SMIM14: variants seen among roughly 807,000 people sequenced by gnomAD.
The protein encoded by SMIM14 is chromosome 4 open reading frame 34.
SMIM14 carries 5 observed loss-of-function variants against 12.6 expected under a neutral mutation model. The ratio of observed to expected loss-of-function variants is 0.40; its 90% CI spans 0.21 to 0.83. The LOEUF (loss-of-function observed/expected upper bound fraction) is 0.83. SMIM14 is among the 40% of genes least tolerant of loss of function. SMIM14 has a pLI of 0.37. For missense variants in SMIM14, 86 were observed against 119.1 expected, an observed-to-expected ratio of 0.72 and a Z score of 1.29; for synonymous variants, 30 against 40.1, an observed-to-expected ratio of 0.75 and a Z score of 0.95.
chr4:39,604,965 T>C (rs971794494), intron 2 of SMIM14, 106 bp downstream of exon 2: 2 of 729,974 alleles, frequency 2.7e-6, no homozygotes, highest in African/African-American at 3.6e-5. Context: ...TGAAATACTC[T>C]TTAGTGACCA....
At chr4:39,583,372 A>G in intron 2 of SMIM14, among the ~76,000 whole-genome samples, 1 of 152,098 alleles carries the variant, frequency 6.6e-6, no homozygotes, top group East Asian at 1.9e-4. Context: ...TGTTAAGATT[A>G]CAGGTGTGAG....
chr4:39,582,916 C>T (rs972775830), intron 2 of SMIM14, among the ~76,000 whole-genome samples: 1 of 151,910 alleles, frequency 6.6e-6, no homozygotes, highest in African/African-American at 2.4e-5. Flanking sequence ...CCTCAGCCTC[C>T]CAAGTAGCTG....
At chr4:39,579,825 C>T (rs1014090637) in intron 2 of SMIM14, among the ~76,000 whole-genome samples, 3 of 122,520 alleles carry the variant, frequency 2.4e-5, no homozygotes, top group Non-Finnish European at 4.9e-5. Flanking sequence ...GCCTGGGTGA[C>T]AGAGTGAGAC....
intron 1 of SMIM14, among the ~76,000 whole-genome samples, chr4:39,615,105 T>A (rs1006449060): frequency 2.0e-5 from 3 of 152,202 alleles, no homozygotes; most frequent in African/African-American, 7.2e-5. Context: ...TGTTTTTTTT[T>A]TAATTTATTT....
intron 1 of SMIM14, among the ~76,000 whole-genome samples, chr4:39,611,694 T>G (rs1715041137): frequency 1.3e-5 from 2 of 152,086 alleles, no homozygotes; most frequent in Non-Finnish European, 2.9e-5. Flanking sequence ...CCTGGTTAAT[T>G]TGAATATTCA....
chr4:39,566,540 AGCCGCAATGCAGCCAG>A (rs1164010327), intron 3 of SMIM14, among the ~76,000 whole-genome samples: 1 of 152,142 alleles, frequency 6.6e-6, no homozygotes, highest in Non-Finnish European at 1.5e-5. Flanking sequence ...GACAGCAGAT[AGCCGCAATGCAGCCAG>A]GCACAATGGC....
intron 2 of SMIM14, among the ~76,000 whole-genome samples, chr4:39,583,583 C>G (rs932546912): frequency 2.0e-5 from 3 of 152,082 alleles, no homozygotes; most frequent in African/African-American, 7.3e-5. Flanking sequence ...GACCTTCTTT[C>G]TAATGTGGCT....
chr4:39,562,130 CT>C (rs1345352575), intron 3 of SMIM14, among the ~76,000 whole-genome samples: 3 of 151,614 alleles, frequency 2.0e-5, no homozygotes, highest in Admixed American at 6.6e-5. Flanking sequence ...TCTCAGCACT[CT>C]AGGAGGCCGA....
chr4:39,549,330 G>A lies in SMIM14; in HGVS notation c.*2796C>T, dbSNP rs1374722218. 1 of 151,840 alleles carries A rather than the reference G, an allele frequency of 6.6e-6. No individual in the cohort carries two copies. Among genetic ancestry groups the A allele is most frequent in the Admixed American group, 6.6e-5 (1 of 15,220 alleles). 9.4% of individuals were successfully genotyped at this position (151,840 alleles called of 1,614,324 possible). A position where few individuals can be genotyped will look rare whatever the true frequency, so the allele number is the denominator to read the frequency against. On this transcript the variant is annotated 3_prime_UTR_variant, in exon 5 of 5. Transcript: ENST00000295958. ...GACAGGGTCTCACTCTGTCACTCAAGCTGGAGTGCAGTGGCGTGATCTTGG... is the reference window on the plus strand; with the variant it reads ...GACAGGGTCTCACTCTGTCACTCAAACTGGAGTGCAGTGGCGTGATCTTGG...
intron 1 of SMIM14, among the ~76,000 whole-genome samples, chr4:39,612,876 T>C (rs1314689511): frequency 6.6e-6 from 1 of 152,210 alleles, no homozygotes; most frequent in Non-Finnish European, 1.5e-5. Context: ...CTGGGATTAT[T>C]GGCATGAACC....
chr4:39,574,237 CT>C (rs11338888), intron 2 of SMIM14, among the ~76,000 whole-genome samples: 24,192 of 127,012 alleles, frequency 0.19, 1,498 homozygotes, highest in African/African-American at 0.29. Flanking sequence ...CTGCAACTTT[CT>C]TTTTTTTTTT....
chr4:39,552,914 G>A (rs1711795889), intron 4 of SMIM14, among the ~76,000 whole-genome samples: 1 of 151,984 alleles, frequency 6.6e-6, no homozygotes, highest in Admixed American at 6.6e-5. Context: ...CCGAGTTGGG[G>A]GTGATCAATA....
At position 39,548,116 on chromosome 4, in the gene SMIM14, G is replaced by T. The variant is rs1191187432; in HGVS notation, c.*4010C>A. 2.0e-5 allele frequency: 3 copies of T among 152,052 alleles called. No individual in the cohort carries two copies. The highest frequency in any genetic ancestry group is 4.4e-5 in the Non-Finnish European group (3 of 68,056). 9.4% of individuals were successfully genotyped at this position (152,052 alleles called of 1,614,324 possible). ...GATGGAGTTTTTCCATGTTGGCCAGGCTGGTCTCGAACTCCTGACCTCAGG... is the reference window on the plus strand; with the variant it reads ...GATGGAGTTTTTCCATGTTGGCCAGTCTGGTCTCGAACTCCTGACCTCAGG... On this transcript the variant is annotated 3_prime_UTR_variant, in exon 5 of 5. Transcript: ENST00000295958.
rs142518160 is a variant in SMIM14 at position 39,615,851 on chromosome 4, A to G, written c.-35-10671T>C. 3.1e-3 allele frequency among the ~76,000 whole-genome samples: 467 copies of G among 152,310 alleles called. 2 individuals carry two copies. The highest frequency in any genetic ancestry group is 5.6e-3 in the Non-Finnish European group (380 of 68,020). Reference sequence around the variant, plus strand: ...CCTATAATAAAAAGTGTTTTTACAAAGCTTGTATCCTTAAGAATTATATTT... The same window carrying G: ...CCTATAATAAAAAGTGTTTTTACAAGGCTTGTATCCTTAAGAATTATATTT... On this transcript the variant is annotated intron_variant, in intron 1 of 4. Coordinates refer to ENST00000295958, the MANE Select transcript of SMIM14 (RefSeq NM_174921.3).
chr4:39,627,364 G>A (rs1715740799), intron 1 of SMIM14, among the ~76,000 whole-genome samples: 1 of 152,018 alleles, frequency 6.6e-6, no homozygotes, highest in Non-Finnish European at 1.5e-5. Flanking sequence ...CCTATTCTAG[G>A]ATCACTTTAG....
intron 1 of SMIM14, among the ~76,000 whole-genome samples, chr4:39,619,746 ATAATT>A (rs200733609): frequency 0.45 from 57,774 of 128,310 alleles, 13,891 homozygotes; most frequent in Non-Finnish European, 0.5. Flanking sequence ...ATCAATAAAT[ATAATT>A]TATTATATAT....
chr4:39,583,845 C>T (rs1228703423), intron 2 of SMIM14: 1 of 152,116 alleles, frequency 6.6e-6, no homozygotes, highest in Non-Finnish European at 1.5e-5. Flanking sequence ...TTCAATGCTG[C>T]ACCAGTATTT....
chr4:39,628,384 G>C (rs918251201), intron 1 of SMIM14, among the ~76,000 whole-genome samples: 1 of 150,182 alleles, frequency 6.7e-6, no homozygotes, highest in African/African-American at 2.4e-5. Flanking sequence ...TTTAAAATCA[G>C]GAAAATGTGA....
chr4:39,607,985 C>T (rs1028633830), intron 1 of SMIM14, among the ~76,000 whole-genome samples: 1 of 152,212 alleles, frequency 6.6e-6, no homozygotes, highest in African/African-American at 2.4e-5. Flanking sequence ...GATACCACTT[C>T]ATACCTACTA....
Sources: allele counts gnomAD v4.1 joint callset (sites outside exome capture counted in the v4.1 genomes callset), GRCh38; gene constraint gnomAD v4.1.1; transcripts MANE v1.5; gene names NCBI Gene and HGNC (gene_info 2026-07-23, HGNC 2026-07-21).